The following PCDHA11 variants were observed in gnomAD, a reference collection of about 807,000 sequenced individuals.
PCDHA11 encodes protocadherin alpha-11.
A neutral mutation model predicts 70.3 loss-of-function variants in PCDHA11; 61 were observed. The ratio of observed to expected loss-of-function variants is 0.87; its 90% CI spans 0.71 to 1.07. PCDHA11 has a LOEUF of 1.07. PCDHA11 is among the 50% of genes least tolerant of loss of function. The pLI, the probability that PCDHA11 is intolerant of heterozygous loss-of-function variation, is 0.00. For synonymous variants in PCDHA11, 633 were observed against 555.1 expected (o/e 1.14, Z -1.97); for missense variants, 1,324 against 1,237.5 (o/e 1.07, Z -1.05).
chr5:140,927,734 G>A, intron 1 of PCDHA11: 1 of 1,614,196 alleles, frequency 6.2e-7, no homozygotes, highest in Non-Finnish European at 8.5e-7. Context: ...GCAGAGCTGC[G>A]ACACCGCTTT....
At chr5:140,955,469 T>C (rs1324804121) in intron 1 of PCDHA11, among the ~76,000 whole-genome samples, 11 of 152,208 alleles carry the variant, frequency 7.2e-5, no homozygotes, top group Middle Eastern at 3.4e-3. Flanking sequence ...CCTTTTTGCT[T>C]GGCACCTCTC....
intron 1 of PCDHA11, among the ~76,000 whole-genome samples, chr5:140,960,384 A>G (rs1204813293): frequency 6.6e-6 from 1 of 152,198 alleles, no homozygotes. Flanking sequence ...GTGCCAAGAC[A>G]TTAGGATGCA....
At chr5:140,877,525 G>A (rs1562735759) in intron 1 of PCDHA11, 7 of 1,613,804 alleles carry the variant, frequency 4.3e-6, no homozygotes, top group Non-Finnish European at 5.9e-6. Flanking sequence ...GGCCTCAGTG[G>A]GCGCTGTGGA....
chr5:140,936,867 T>TA (rs1471990778), intron 1 of PCDHA11, among the ~76,000 whole-genome samples: 5 of 152,214 alleles, frequency 3.3e-5, no homozygotes, highest in Admixed American at 2.6e-4. Context: ...GTTTCTATTT[T>TA]AAAAAACCCT....
intron 1 of PCDHA11, among the ~76,000 whole-genome samples, chr5:140,920,075 G>T (rs190821804): frequency 6.6e-6 from 1 of 152,316 alleles, no homozygotes; most frequent in Admixed American, 6.5e-5. Flanking sequence ...GGCAGAAACA[G>T]ATTCTCCGTA....
intron 3 of PCDHA11, among the ~76,000 whole-genome samples, chr5:141,003,043 C>T (rs2098108698): frequency 6.6e-6 from 1 of 152,198 alleles, no homozygotes; most frequent in Non-Finnish European, 1.5e-5. Flanking sequence ...CCCTCCTGGC[C>T]TTAACAGAAC....
chr5:140,873,931 G>A (rs2054580396), intron 1 of PCDHA11, among the ~76,000 whole-genome samples: 1 of 152,172 alleles, frequency 6.6e-6, no homozygotes, highest in African/African-American at 2.4e-5. Flanking sequence ...AAAGTGCTGG[G>A]ATTACAGGTG....
intron 1 of PCDHA11, among the ~76,000 whole-genome samples, chr5:140,906,637 C>A (rs1171706512): frequency 6.6e-6 from 1 of 152,226 alleles, no homozygotes; most frequent in Non-Finnish European, 1.5e-5. Flanking sequence ...AGCACCTCAG[C>A]AGGTAGTGGT....
chr5:140,911,724 C>T (rs1255448143), intron 1 of PCDHA11, among the ~76,000 whole-genome samples: 1 of 151,192 alleles, frequency 6.6e-6, no homozygotes, highest in Non-Finnish European at 1.5e-5. Context: ...ACTCTGTAAA[C>T]AGTTCGTGCC....
At chr5:140,915,273 A>C (rs2077054431) in intron 1 of PCDHA11, among the ~76,000 whole-genome samples, 1 of 152,090 alleles carries the variant, frequency 6.6e-6, no homozygotes, top group South Asian at 2.1e-4. Flanking sequence ...TGACCAGTTC[A>C]TCATTTACTC....
At chr5:140,926,704 T>A in intron 1 of PCDHA11, 1 of 842,670 alleles carries the variant, frequency 1.2e-6, no homozygotes, top group Non-Finnish European at 1.7e-6. Context: ...GGCTCCCAGC[T>A]GGCCAGCCCC....
intron 1 of PCDHA11, chr5:140,926,761 T>G: frequency 7.6e-7 from 1 of 1,323,628 alleles, no homozygotes; most frequent in East Asian, 2.8e-5. Context: ...TCGCTGAGTA[T>G]CCAGCCCGCA....
intron 1 of PCDHA11, chr5:140,968,109 A>G (rs2096220086): frequency 6.2e-7 from 1 of 1,614,046 alleles, no homozygotes; most frequent in African/African-American, 1.3e-5. Context: ...GGAATACCGC[A>G]GCTCACATCC....
intron 1 of PCDHA11, chr5:140,876,837 C>T (rs782753877): frequency 1.9e-6 from 3 of 1,614,148 alleles, no homozygotes; most frequent in Admixed American, 3.3e-5. Context: ...CGCCTGCGTT[C>T]GCGCAGCCCG....
In PCDHA11 at chr5:140,870,230, G is replaced by A. The variant is rs782759965; in HGVS notation, c.1127G>A (p.Arg376His). 9.3e-6 allele frequency: 15 copies of A among 1,614,032 alleles called. No homozygotes were observed. The highest frequency in any genetic ancestry group is 1.3e-5 in the Non-Finnish European group (15 of 1,180,036). Residue 376 changes from arginine to histidine, a missense_variant, in exon 1 of 4, where the codon CGT (arginine) becomes CAT (histidine). Transcript: ENST00000398640. ...TVIALISVSDRDSGVNGQVTC... is the reference protein window; with the variant it reads ...TVIALISVSDHDSGVNGQVTC... ...ATTGCCCTGATCAGCGTGTCTGACC[G>A]TGACTCAGGTGTCAACGGACAGGTG...
chr5:140,954,845 C>G (rs1479368081), intron 1 of PCDHA11, among the ~76,000 whole-genome samples: 2 of 152,140 alleles, frequency 1.3e-5, no homozygotes, highest in African/African-American at 2.4e-5. Flanking sequence ...AAATCTTTGC[C>G]TGTGCCTATG....
intron 1 of PCDHA11, among the ~76,000 whole-genome samples, chr5:140,885,376 G>T (rs1242393742): frequency 6.6e-6 from 1 of 152,032 alleles, no homozygotes; most frequent in Non-Finnish European, 1.5e-5. Context: ...AGTACCTTTT[G>T]GCAGTCCCTG....
At chr5:140,986,081 A>AT (rs2097186605) in intron 3 of PCDHA11, among the ~76,000 whole-genome samples, 1 of 152,010 alleles carries the variant, frequency 6.6e-6, no homozygotes, top group South Asian at 2.1e-4. Context: ...CTGTTCATTT[A>AT]TTTTCACAGT....
At chr5:140,922,791 T>A (rs1454046146) in intron 1 of PCDHA11, among the ~76,000 whole-genome samples, 1 of 152,078 alleles carries the variant, frequency 6.6e-6, no homozygotes, top group Non-Finnish European at 1.5e-5. Flanking sequence ...AAACTGTAGC[T>A]TTGGAATACA....
Sources: allele counts gnomAD v4.1 joint callset (sites outside exome capture counted in the v4.1 genomes callset), GRCh38; gene constraint gnomAD v4.1.1; transcripts MANE v1.5; gene names NCBI Gene and HGNC (gene_info 2026-07-23, HGNC 2026-07-21).